ANK1: variants seen among roughly 807,000 people sequenced by gnomAD.
ANK1 encodes ankyrin-1.
ANK1 carries 51 observed loss-of-function variants against 210.4 expected under a neutral mutation model. The ratio of observed to expected loss-of-function variants is 0.24; its 90% confidence interval spans 0.19 to 0.31. ANK1 has a LOEUF of 0.31. ANK1 is among the 10% of genes least tolerant of loss of function. The pLI, the probability that ANK1 is intolerant of heterozygous loss-of-function variation, is 1.00. For synonymous variants in ANK1, 967 were observed against 1,025.9 expected (o/e 0.94, Z 1.10); for missense variants, 2,051 against 2,504.4 (o/e 0.82, Z 3.86).
At chr8:41,805,163 CTCTCTCTT>C (rs1850753840) in intron 1 of ANK1, among the ~76,000 whole-genome samples, 2 of 145,780 alleles carry the variant, frequency 1.4e-5, no homozygotes, top group African/African-American at 5.6e-5. Flanking sequence ...CTCTTTCTCT[CTCTCTCTT>C]TCTTTCTTTC....
rs768163504 is a variant in ANK1 at position 41,715,018 on chromosome 8, C to T, written c.1659G>A (p.Glu553=). The change falls in exon 15 of 43, where the codon GAG becomes GAA. Residue 553 remains glutamate (E), a synonymous_variant. Transcript: ENST00000289734. ...GGTGTGCGTCCCGCTCCAGCAGCAG[C>T]TCTGCCACCCGCACCTTCCCGTACT... ...AAKYGKVRVA[E]LLLERDAHPN... 9.3e-6 allele frequency: 15 copies of T among 1,614,074 alleles called. No individual in the cohort carries two copies. The African/African-American group carries it at 1.6e-4, about 17-fold the overall frequency.
Position 41,694,800 on chromosome 8 carries a change from A to G in ANK1, c.3119T>C (p.Leu1040Pro). Residue 1040 changes from leucine (L) to proline (P), a missense_variant, in exon 28 of 43, where the codon CTG (leucine) becomes CCG (proline). Leu to Pro is a moderately conservative substitution (Grantham distance 98). Around this residue, in one of 6 missense-constraint regions of ANK1, gnomAD observed 1,413 missense variants for 1,707.4 expected, o/e 0.83. Transcript: ENST00000289734. The surrounding 1 kb of genome is among the most constrained non-coding windows in gnomAD (Gnocchi z 5.7). ...DQILNGMDEE[L>P]GSLEELEKKR... is the part of the protein sequence containing the mutation. ...CTTCTCTAGCTCCTCCAGGCTCCCC[A>G]GCTCTGGAATCACACACACAGGCCA... 1 of 1,614,006 alleles carries G rather than the reference A, an allele frequency of 6.2e-7. No homozygotes were observed. The highest frequency in any genetic ancestry group is 8.5e-7 in the Non-Finnish European group (1 of 1,179,964).
Position 41,668,298 on chromosome 8 carries a change from T to C in ANK1, c.5363A>G (p.Glu1788Gly). ...CACTTGGGTGAAGGTGTTCTTGGCC[T>C]CCTGCACCTGCTCTTCTTGGCCTTG... ...RQQGQEEQVQEAKNTFTQVVQ... is the reference protein window; with the variant it reads ...RQQGQEEQVQGAKNTFTQVVQ... Residue 1788 changes from glutamate to glycine, a missense_variant, in exon 39 of 43, where the codon GAG becomes GGG. Coordinates refer to ENST00000289734, the MANE Select transcript of ANK1 (RefSeq NM_000037.4). The C allele has an allele frequency of 6.2e-7, 1 of 1,614,224 alleles. No homozygotes were observed.
rs961013696 is a variant in ANK1, at chr8:41,867,472, G to T, written c.126+28883C>A. The stretch of plus-strand genomic sequence containing the variant: ...TAAGAAATGAAGCTTCTGCACAGAA[G>T]GGTCCTGGACCTGATAACAGCCCCA... On this transcript the variant is annotated intron_variant, in intron 1 of 42. Coordinates refer to the ANK1 transcript ENST00000265709. Among the ~76,000 whole-genome samples, 38 of 152,172 alleles carry T rather than the reference G, an allele frequency of 2.5e-4. 1 individual carries two copies. The highest frequency in any genetic ancestry group is 8.4e-4 in the African/African-American group (35 of 41,440).
chr8:41,760,031 G>C (rs1216590361), intron 1 of ANK1, among the ~76,000 whole-genome samples: 1 of 152,194 alleles, frequency 6.6e-6, no homozygotes, highest in Non-Finnish European at 1.5e-5. Context: ...TTTCTTAAAT[G>C]AGAGTGAAGC....
intron 1 of ANK1, among the ~76,000 whole-genome samples, chr8:41,762,807 A>G (rs976894143): frequency 9.9e-5 from 15 of 152,266 alleles, no homozygotes; most frequent in African/African-American, 3.6e-4. Flanking sequence ...ACTACCGTTT[A>G]TGGCACAATA....
chr8:41,693,164 T>G lies in ANK1; in HGVS notation c.3570A>C (p.Gly1190=), dbSNP rs762382303. The change falls in exon 30 of 43, where the codon GGA becomes GGC. Residue 1190 remains glycine (G), a synonymous_variant. Coordinates refer to ENST00000289734, the MANE Select transcript of ANK1 (RefSeq NM_000037.4). ...TDQAQWEDIT[G]TTKLVYANEC... ...CGTTGGCATATACAAGTTTGGTGGTTCCTGTTATGTCTTCCCACTGGGCTT... is the reference window on the plus strand; with the variant it reads ...CGTTGGCATATACAAGTTTGGTGGTGCCTGTTATGTCTTCCCACTGGGCTT... 5.2e-5 allele frequency: 84 copies of G among 1,613,530 alleles called. No individual in the cohort carries two copies. The East Asian group carries it at 1.7e-3, about 33-fold the overall frequency.
chr8:41,694,662 T>A lies in ANK1; in HGVS notation c.3257A>T (p.Lys1086Met). 1.2e-6 allele frequency: 2 copies of A among 1,614,086 alleles called. No individual in the cohort carries two copies. The highest frequency in any genetic ancestry group is 1.7e-6 in the Non-Finnish European group (2 of 1,180,000). The change falls in exon 28 of 43, where the codon AAG becomes ATG. Residue 1086 changes from lysine to methionine, a missense_variant. By Grantham distance (95) the Lys-to-Met change is moderately conservative. Transcript: ENST00000289734. The surrounding 1 kb of genome is among the most constrained non-coding windows in gnomAD (Gnocchi z 5.7). ...IGPEGGSLKSKLVPLVQATFP... is the reference protein window; with the variant it reads ...IGPEGGSLKSMLVPLVQATFP... ...CGTTGCCTGTACCAGGGGCACCAGC[T>A]TGCTCTTCAGGGAGCCCCCTTCGGG...
At chr8:41,697,890 T>G (rs1288476165) in intron 24 of ANK1, 153 bp downstream of exon 24, 5 of 769,816 alleles carry the variant, frequency 6.5e-6, no homozygotes, top group Non-Finnish European at 1.1e-5. Context: ...TGCACCATTA[T>G]GAGGCGTCCA....
At chr8:41,833,233 C>A (rs529563887) in intron 1 of ANK1, among the ~76,000 whole-genome samples, 2 of 152,282 alleles carry the variant, frequency 1.3e-5, no homozygotes, top group East Asian at 3.9e-4. Context: ...CTAGAGACCC[C>A]TAGATAGACT....
chr8:41,830,035 T>A (rs2150796755), intron 1 of ANK1: 1 of 150,796 alleles, frequency 6.6e-6, no homozygotes. Flanking sequence ...ATAACATCAA[T>A]GAAATTTTGC....
intron 1 of ANK1, among the ~76,000 whole-genome samples, chr8:41,835,773 T>C (rs543669743): frequency 3.8e-4 from 58 of 152,382 alleles, no homozygotes; most frequent in African/African-American, 1.4e-3. Context: ...ATTTACTATG[T>C]GGTCTTTGGC....
At chr8:41,750,695 C>T (rs967411216) in intron 2 of ANK1, among the ~76,000 whole-genome samples, 2 of 151,978 alleles carry the variant, frequency 1.3e-5, no homozygotes, top group Admixed American at 1.3e-4. Context: ...TTAGTGAAGA[C>T]AAAAATAAGC....
At position 41,694,789 on chromosome 8, in the gene ANK1, C is replaced by T. The variant is rs1362550893; in HGVS notation, c.3130G>A (p.Glu1044Lys). The T allele has an allele frequency of 1.9e-6, 3 of 1,614,126 alleles. No homozygotes were observed. Among genetic ancestry groups the T allele is most frequent in the Non-Finnish European group, 2.5e-6 (3 of 1,180,012 alleles). ...CACACCCTCTTCTTCTCTAGCTCCT[C>T]CAGGCTCCCCAGCTCTGGAATCACA... is the stretch of plus-strand genomic sequence containing the variant. ...NGMDEELGSL[E>K]ELEKKRVCRI... The change falls in exon 28 of 43, where the codon GAG (glutamate) becomes AAG (lysine). Residue 1044 changes from glutamate (E) to lysine (K), a missense_variant. Around this residue, in one of 6 missense-constraint regions of ANK1, gnomAD observed 1,413 missense variants for 1,707.4 expected, o/e 0.83. Coordinates refer to ENST00000289734, the MANE Select transcript of ANK1 (RefSeq NM_000037.4). The surrounding 1 kb of genome is among the most constrained non-coding windows in gnomAD (Gnocchi z 5.7).
intron 40 of ANK1, among the ~76,000 whole-genome samples, chr8:41,663,022 C>T (rs1280575543): frequency 6.6e-6 from 1 of 151,974 alleles, no homozygotes; most frequent in East Asian, 1.9e-4. Context: ...TTAAGTGATC[C>T]TTCTGCCTCA....
intron 1 of ANK1, among the ~76,000 whole-genome samples, chr8:41,884,545 T>C (rs1456148834): frequency 6.6e-6 from 1 of 151,856 alleles, no homozygotes. Flanking sequence ...GCTTAAAGGA[T>C]GAGTAGAGGC....
intron 1 of ANK1, among the ~76,000 whole-genome samples, chr8:41,886,990 G>A (rs990893691): frequency 1.3e-5 from 2 of 152,216 alleles, no homozygotes; most frequent in Middle Eastern, 6.8e-3. Context: ...GGCTCTTGGG[G>A]GCCACGCTTC....
At chr8:41,774,859 G>A (rs1379830991) in intron 1 of ANK1, among the ~76,000 whole-genome samples, 1 of 152,244 alleles carries the variant, frequency 6.6e-6, no homozygotes, top group Non-Finnish European at 1.5e-5. Flanking sequence ...CGAGACTAGA[G>A]TGGAATTACA....
chr8:41,664,490 A>G (rs1030835992), intron 39 of ANK1, among the ~76,000 whole-genome samples: 2 of 146,748 alleles, frequency 1.4e-5, no homozygotes, highest in African/African-American at 2.4e-5. Context: ...CTCTAAAAAC[A>G]AAAGAAAAAA....
Sources: allele counts gnomAD v4.1 joint callset (sites outside exome capture counted in the v4.1 genomes callset), GRCh38; gene constraint gnomAD v4.1.1; regional missense constraint gnomAD v4.1.1; non-coding constraint Gnocchi (gnomAD v3.1); transcripts MANE v1.5; gene names NCBI Gene and HGNC (gene_info 2026-07-23, HGNC 2026-07-21).